The following CADM2 variants were observed in gnomAD, a reference collection of about 807,000 sequenced individuals.
The protein encoded by CADM2 is immunoglobulin superfamily member 4D.
A neutral mutation model predicts 49.8 loss-of-function variants in CADM2; 12 were observed. That is an observed-to-expected ratio of 0.24 (90% confidence interval 0.15 to 0.39). The LOEUF is 0.39. Among genes scored for constraint, CADM2 ranks in the 10% least tolerant of loss-of-function variants. CADM2 has a pLI of 1.00. For synonymous variants in CADM2, 214 were observed against 175.4 expected (o/e 1.22, Z -1.74); for missense variants, 378 against 492.3 (o/e 0.77, Z 2.20).
intron 1 of CADM2, among the ~76,000 whole-genome samples, chr3:85,439,813 G>A (rs1056194024): frequency 6.6e-6 from 1 of 152,048 alleles, no homozygotes; most frequent in Non-Finnish European, 1.5e-5. Context: ...TTTCTGTTCA[G>A]AATATTCAGT....
chr3:85,036,667 C>CT (rs2035225766), intron 1 of CADM2, among the ~76,000 whole-genome samples: 2 of 152,032 alleles, frequency 1.3e-5, no homozygotes, highest in Admixed American at 6.6e-5. Context: ...ATCCCGTTTT[C>CT]TTTATAATTG....
intron 1 of CADM2, among the ~76,000 whole-genome samples, chr3:85,641,039 G>T (rs527252610): frequency 3.9e-5 from 6 of 152,238 alleles, no homozygotes; most frequent in African/African-American, 1.4e-4. Context: ...AATCCACTCT[G>T]GCTACTAAAG....
chr3:86,022,198 A>T (rs1733280651), intron 8 of CADM2, among the ~76,000 whole-genome samples: 1 of 152,176 alleles, frequency 6.6e-6, no homozygotes, highest in Admixed American at 6.5e-5. Context: ...CTTTTTAATT[A>T]TAAATACACA....
intron 1 of CADM2, among the ~76,000 whole-genome samples, chr3:85,331,559 A>G (rs2044927503): frequency 6.6e-6 from 1 of 151,712 alleles, no homozygotes; most frequent in Non-Finnish European, 1.5e-5. Flanking sequence ...TTGAGAGAAA[A>G]ATAATAAGTA....
At chr3:85,871,183 T>G (rs2075912907) in intron 3 of CADM2, among the ~76,000 whole-genome samples, 1 of 152,028 alleles carries the variant, frequency 6.6e-6, no homozygotes, top group Admixed American at 6.6e-5. Flanking sequence ...GAACTTAAAT[T>G]TACATGAATA....
chr3:85,474,513 C>A (rs1028073889), intron 1 of CADM2, among the ~76,000 whole-genome samples: 4 of 151,844 alleles, frequency 2.6e-5, no homozygotes, highest in African/African-American at 9.7e-5. Context: ...TAATATGAGA[C>A]CAAATAGCTG....
chr3:86,029,094 G>T (rs2107132927), intron 8 of CADM2, among the ~76,000 whole-genome samples: 1 of 152,286 alleles, frequency 6.6e-6, no homozygotes, highest in South Asian at 2.1e-4. Flanking sequence ...GTGCTTTCAA[G>T]TGAGGGAAAT....
chr3:85,000,364 G>A (rs1006546099), intron 1 of CADM2, among the ~76,000 whole-genome samples: 1 of 151,586 alleles, frequency 6.6e-6, no homozygotes, highest in Non-Finnish European at 1.5e-5. Context: ...TTGGGCTCAA[G>A]CAATCCTCCC....
At chr3:85,528,867 A>G (rs2061232755) in intron 1 of CADM2, among the ~76,000 whole-genome samples, 1 of 152,210 alleles carries the variant, frequency 6.6e-6, no homozygotes, top group South Asian at 2.1e-4. Flanking sequence ...AAATAAACAA[A>G]AACCAATTCC....
Position 85,541,492 on chromosome 3 carries a change from A to G in CADM2, c.62-185030A>G, listed in dbSNP as rs893133551. Among the ~76,000 whole-genome samples the G allele has an allele frequency of 2.9e-5, 3 of 103,434 alleles. No individual in the cohort carries two copies. The Admixed American group carries it at 3.4e-4, about 12-fold the overall frequency. The allele number at this position is 103,434 out of a possible 152,430, so 67.9% of individuals were successfully genotyped here. ...TCAGAAGAGCATTTAGAAAGGAAAG[A>G]TAGGAGAACTTATATTAAAAAAATG... On this transcript the variant is annotated intron_variant, in intron 1 of 9. Coordinates refer to ENST00000383699, the MANE Select transcript of CADM2 (RefSeq NM_001167675.2).
intron 8 of CADM2, among the ~76,000 whole-genome samples, chr3:86,011,564 T>C (rs1256416583): frequency 6.6e-6 from 1 of 151,498 alleles, no homozygotes; most frequent in Non-Finnish European, 1.5e-5. Context: ...AAAGGAGAAG[T>C]AGGAAAAGAG....
At chr3:85,164,059 C>T (rs771519958) in intron 1 of CADM2, among the ~76,000 whole-genome samples, 37 of 152,014 alleles carry the variant, frequency 2.4e-4, no homozygotes, top group Admixed American at 2.0e-4. Flanking sequence ...AACTACAGTG[C>T]TTAAAATGAA....
intron 1 of CADM2, among the ~76,000 whole-genome samples, chr3:85,292,385 C>T (rs1183582444): frequency 1.3e-5 from 2 of 150,700 alleles, no homozygotes; most frequent in Non-Finnish European, 3.0e-5. Context: ...ATCAACGAGA[C>T]AGAAAGTCAA....
intron 1 of CADM2, among the ~76,000 whole-genome samples, chr3:85,584,677 ATTGGAACGTGCATTG>A (rs1173309609): frequency 1.3e-5 from 2 of 152,038 alleles, no homozygotes; most frequent in Non-Finnish European, 1.5e-5. Context: ...ATAGGATGAT[ATTGGAACGTGCATTG>A]TCTTTGTAAG....
chr3:85,512,661 A>C (rs577518836), intron 1 of CADM2, among the ~76,000 whole-genome samples: 1 of 151,850 alleles, frequency 6.6e-6, no homozygotes, highest in Non-Finnish European at 1.5e-5. Context: ...TGCAGCATGT[A>C]TTGCATCTAA....
rs79738183 is a variant in CADM2 at position 85,034,564 on chromosome 3, G to T, written c.61+74896G>T. ...GAATAGTGCTGCAATAAACATGGGA[G>T]TGCAGATATCTCTGACGTATTTCCT... On this transcript the variant is annotated intron_variant, in intron 1 of 9. Coordinates refer to ENST00000383699, the MANE Select transcript of CADM2 (RefSeq NM_001167675.2). Among the ~76,000 whole-genome samples, 10 of 152,214 alleles carry T rather than the reference G, an allele frequency of 6.6e-5. No individual in the cohort carries two copies. In the East Asian group the frequency reaches 1.7e-3, roughly 27 times the overall value.
At chr3:85,315,588 C>A (rs956346776) in intron 1 of CADM2, among the ~76,000 whole-genome samples, 10 of 152,032 alleles carry the variant, frequency 6.6e-5, no homozygotes, top group Admixed American at 6.6e-5. Context: ...AGCTACTACA[C>A]AAGTACAAAC....
intron 1 of CADM2, among the ~76,000 whole-genome samples, chr3:85,091,425 T>C (rs1221821569): frequency 6.6e-6 from 1 of 152,188 alleles, no homozygotes; most frequent in African/African-American, 2.4e-5. Context: ...CGAAGTATAA[T>C]ACTTCTAATT....
intron 1 of CADM2, among the ~76,000 whole-genome samples, chr3:85,713,610 C>A (rs1442871073): frequency 6.6e-6 from 1 of 152,180 alleles, no homozygotes; most frequent in East Asian, 1.9e-4. Flanking sequence ...TCTTACCTAC[C>A]TATCTACAAT....
Sources: gnomAD v4.1 joint callset for allele counts (sites outside exome capture counted in the v4.1 genomes callset) on GRCh38, gnomAD v4.1.1 for gene constraint, MANE v1.5 for transcripts, NCBI Gene and HGNC (gene_info 2026-07-23, HGNC 2026-07-21) for gene names.